The following DDX23 variants were observed in gnomAD, a reference collection of about 807,000 sequenced individuals.
The protein encoded by DDX23 is probable ATP-dependent RNA helicase DDX23.
Under a neutral mutation model 102.7 loss-of-function variants are expected in DDX23, and 33 were observed. That is an observed-to-expected ratio of 0.32 (90% confidence interval 0.24 to 0.43). The LOEUF (loss-of-function observed/expected upper bound fraction) is 0.43. Among genes scored for constraint, DDX23 ranks in the 20% least tolerant of loss-of-function variants. DDX23 has a pLI of 1.00. For synonymous variants in DDX23, 352 were observed against 376.0 expected (o/e 0.94, Z 0.74); for missense variants, 549 against 1,086.6 (o/e 0.51, Z 6.96).
chr12:48,835,567 G>A (rs989069702), intron 11 of DDX23, among the ~76,000 whole-genome samples: 4 of 152,078 alleles, frequency 2.6e-5, no homozygotes, highest in Admixed American at 6.6e-5. Context: ...AAAATTAGCC[G>A]GGCATGGTGA....
At position 48,833,505 on chromosome 12, in the gene DDX23, G is replaced by A; in HGVS notation, c.1575C>T (p.Thr525=). The change falls in exon 13 of 17, where the codon ACC becomes ACT. Residue 525 remains threonine, a synonymous_variant. Transcript: ENST00000308025. ...CCAGCACATCAATCAAACGCCCAGG[G>A]GTAGCAATCACAATCTGAGGAGTAC... ...LRMGCEIVIA[T]PGRLIDVLEN... 3 of 1,613,988 alleles carry A rather than the reference G, an allele frequency of 1.9e-6. No homozygotes were observed. Among genetic ancestry groups the A allele is most frequent in the Non-Finnish European group, 1.7e-6 (2 of 1,180,024 alleles).
intron 3 of DDX23, among the ~76,000 whole-genome samples, chr12:48,840,524 A>C (rs2137488224): frequency 6.6e-6 from 1 of 150,608 alleles, no homozygotes; most frequent in East Asian, 2.0e-4. Context: ...CACAAAAATT[A>C]GCCAGGTGTG....
intron 1 of DDX23, 38 bp from the exon 2 acceptor site, chr12:48,845,820 C>G: frequency 1.2e-6 from 2 of 1,601,222 alleles, no homozygotes; most frequent in Non-Finnish European, 1.7e-6. Context: ...ATGTACTAGG[C>G]ACTGCTCTAA....
intron 11 of DDX23, 144 bp from the exon 12 acceptor site, chr12:48,834,641 T>G (rs960848606): frequency 5.0e-6 from 4 of 794,494 alleles, no homozygotes; most frequent in Non-Finnish European, 7.8e-6. Context: ...CACTTAAAAA[T>G]CAGAGGCCAG....
intron 15 of DDX23, 182 bp downstream of exon 15, chr12:48,831,896 T>G (rs1592199149): frequency 1.7e-6 from 1 of 604,834 alleles, no homozygotes; most frequent in Non-Finnish European, 2.9e-6. Context: ...AGACAGGGGG[T>G]CCCAGCAATT....
In DDX23 at chr12:48,831,000, C is replaced by T; in HGVS notation, c.2239+142G>A. ...CCAGGTAAGATAAAGGACAGGAGTG[C>T]TTCTCATGGGAGCAAGCAATCCCAG... is the stretch of plus-strand genomic sequence containing the variant. On this transcript the variant is annotated intron_variant, in intron 16 of 16. Coordinates refer to ENST00000308025, the MANE Select transcript of DDX23 (RefSeq NM_004818.3). The surrounding 1 kb of genome is among the most constrained non-coding windows in gnomAD (Gnocchi z 4.9). 1 of 948,950 alleles carries T rather than the reference C, an allele frequency of 1.1e-6. No individual in the cohort carries two copies. The highest frequency in any genetic ancestry group is 1.6e-6 in the Non-Finnish European group (1 of 612,264). 58.8% of individuals were successfully genotyped at this position (948,950 alleles called of 1,614,324 possible). A position where few individuals can be genotyped will look rare whatever the true frequency, so the allele number is the denominator to read the frequency against.
Position 48,830,875 on chromosome 12 carries a change from C to T in DDX23, c.2240-183G>A, listed in dbSNP as rs1004511006. Among the ~76,000 whole-genome samples, 2 of 152,214 alleles carry T rather than the reference C, an allele frequency of 1.3e-5. No individual in the cohort carries two copies. The highest frequency in any genetic ancestry group is 4.8e-5 in the African/African-American group (2 of 41,458). On this transcript the variant is annotated intron_variant, in intron 16 of 16. Transcript: ENST00000308025. This position sits in a 1 kb window ranked among gnomAD's most constrained non-coding sequence, Gnocchi z 4.9. Reference sequence around the variant, plus strand: ...GGTGCCCATCTCCCCTGTCCTCCTACTGACTGTGGTCCCTACCACACTAAG... The same window carrying T: ...GGTGCCCATCTCCCCTGTCCTCCTATTGACTGTGGTCCCTACCACACTAAG...
chr12:48,836,467 C>T lies in DDX23; in HGVS notation c.1236+102G>A. ...TGACAGAAAAGGTCACATTGGTGCC[C>T]ACTAGCAGCGATGGCTCCAAATAGT... On this transcript the variant is annotated intron_variant, in intron 10 of 16. Coordinates refer to ENST00000308025, the MANE Select transcript of DDX23 (RefSeq NM_004818.3). This position sits in a 1 kb window ranked among gnomAD's most constrained non-coding sequence, Gnocchi z 6.1. The T allele has an allele frequency of 1.5e-6, 2 of 1,304,918 alleles. No individual in the cohort carries two copies. Among genetic ancestry groups the T allele is most frequent in the Admixed American group, 1.9e-5 (1 of 53,216 alleles). 80.8% of individuals were successfully genotyped at this position (1,304,918 alleles called of 1,614,324 possible).
At chr12:48,843,815 T>G in intron 3 of DDX23, 125 bp downstream of exon 3, 1 of 980,128 alleles carries the variant, frequency 1.0e-6, no homozygotes, top group Non-Finnish European at 1.6e-6. Flanking sequence ...CCCAAAGTGC[T>G]GGGATTACAG....
intron 3 of DDX23, among the ~76,000 whole-genome samples, chr12:48,841,694 C>T (rs967014764): frequency 3.3e-5 from 5 of 152,246 alleles, no homozygotes; most frequent in African/African-American, 4.8e-5. Context: ...AGCTCCTGAC[C>T]GCGAGTGATC....
chr12:48,839,767 T>G (rs1938520029), intron 5 of DDX23, 77 bp downstream of exon 5: 1 of 1,451,620 alleles, frequency 6.9e-7, no homozygotes, highest in Non-Finnish European at 9.5e-7. Context: ...AATTAACTTC[T>G]GTCGTTGAAG....
At chr12:48,841,353 T>C (rs567408703) in intron 3 of DDX23, among the ~76,000 whole-genome samples, 2 of 152,050 alleles carry the variant, frequency 1.3e-5, no homozygotes, top group Non-Finnish European at 2.9e-5. Context: ...GCCATTGCAC[T>C]CCAGCCTGGG....
At chr12:48,833,600 G>A (rs1237426880) in intron 12 of DDX23, 81 bp from the exon 13 acceptor site, 3 of 1,534,972 alleles carry the variant, frequency 2.0e-6, no homozygotes, top group Non-Finnish European at 2.6e-6. Context: ...CCACTTGGGT[G>A]ACAGACCTCC....
rs1001389815 is a variant in DDX23 at position 48,843,847 on chromosome 12, G to A, written c.320+93C>T. ...ACAGGCGTGAGCCACCACGCCTGGCGAGAAATCTACTTTCATAAGAAGCTG... is the reference window on the plus strand; with the variant it reads ...ACAGGCGTGAGCCACCACGCCTGGCAAGAAATCTACTTTCATAAGAAGCTG... On this transcript the variant is annotated intron_variant, in intron 3 of 16. Coordinates refer to ENST00000308025, the MANE Select transcript of DDX23 (RefSeq NM_004818.3). 9.2e-6 allele frequency: 13 copies of A among 1,420,062 alleles called. No individual in the cohort carries two copies. The Admixed American group carries it at 1.4e-4, about 15-fold the overall frequency. The allele number at this position is 1,420,062 out of a possible 1,614,324, so 88.0% of individuals were successfully genotyped here. A position where few individuals can be genotyped will look rare whatever the true frequency, so the allele number is the denominator to read the frequency against.
At chr12:48,831,781 CTT>C in intron 15 of DDX23, 1 of 489,352 alleles carries the variant, frequency 2.0e-6, no homozygotes, top group Admixed American at 3.6e-5. Flanking sequence ...TTCACCTACT[CTT>C]TTCTACATCC....
At position 48,830,737 on chromosome 12, in the gene DDX23, G is replaced by A. The variant is rs1938373605; in HGVS notation, c.2240-45C>T. On this transcript the variant is annotated intron_variant, in intron 16 of 16. Coordinates refer to ENST00000308025, the MANE Select transcript of DDX23 (RefSeq NM_004818.3). This position sits in a 1 kb window ranked among gnomAD's most constrained non-coding sequence, Gnocchi z 4.9. ...TCACTCAGCATAGCCCAGATGCCCT[G>A]GGGAGCCGTGTCTGATGCCTCCACT... The A allele has an allele frequency of 6.5e-7, 1 of 1,539,968 alleles. No individual in the cohort carries two copies. Among genetic ancestry groups the A allele is most frequent in the African/African-American group, 1.4e-5 (1 of 72,814 alleles).
In DDX23 at chr12:48,838,105, A is replaced by C. The variant is rs191084371; in HGVS notation, c.481-25T>G. The C allele has an allele frequency of 1.4e-5, 22 of 1,613,788 alleles. No individual in the cohort carries two copies. The East Asian group carries it at 4.7e-4, about 34-fold the overall frequency. ...GCTACAAAAGAGATTGGAACTGTCA[A>C]CAAAGGATCTGGGAGCAGGGTACAA... is the stretch of plus-strand genomic sequence containing the variant. On this transcript the variant is annotated intron_variant, in intron 5 of 16. Transcript: ENST00000308025.
In DDX23 at chr12:48,842,196, G is replaced by A. The variant is rs1428493264; in HGVS notation, c.320+1744C>T. 4.2e-5 allele frequency among the ~76,000 whole-genome samples: 6 copies of A among 143,084 alleles called. No homozygotes were observed. In the South Asian group the frequency reaches 8.9e-4, roughly 21 times the overall value. The allele number at this position is 143,084 out of a possible 152,430, so 93.9% of individuals were successfully genotyped here. On this transcript the variant is annotated intron_variant, in intron 3 of 16. Transcript: ENST00000308025. ...GGTGGGGGGGGTTAGCTCCCCACCC[G>A]GCCAGCCGCCCCGTCCAGGAGGGAG...
rs1486182052 is a variant in DDX23, at chr12:48,832,487, G to A, written c.1890C>T (p.Gly630=). Residue 630 remains glycine (G), a synonymous_variant, in exon 14 of 17, where the codon GGC becomes GGT. Coordinates refer to ENST00000308025, the MANE Select transcript of DDX23 (RefSeq NM_004818.3). This position sits in a 1 kb window ranked among gnomAD's most constrained non-coding sequence, Gnocchi z 4.4. ...YLRRPAVVYI[G]SAGKPHERVE... Reference sequence around the variant, plus strand: ...CACGCTCATGGGGCTTGCCTGCGGAGCCAATGTACACCACAGCAGGTCGCC... The same window carrying A: ...CACGCTCATGGGGCTTGCCTGCGGAACCAATGTACACCACAGCAGGTCGCC... The A allele has an allele frequency of 3.1e-6, 5 of 1,614,038 alleles. No individual in the cohort carries two copies. The highest frequency in any genetic ancestry group is 1.6e-4 in the Middle Eastern group (1 of 6,080).
Sources: gnomAD v4.1 joint callset for allele counts (sites outside exome capture counted in the v4.1 genomes callset) on GRCh38, gnomAD v4.1.1 for gene constraint, Gnocchi (gnomAD v3.1) non-coding constraint, MANE v1.5 for transcripts, NCBI Gene and HGNC (gene_info 2026-07-23, HGNC 2026-07-21) for gene names.